The following RIT2 variants were observed in gnomAD, a reference collection of about 807,000 sequenced individuals.
RIT2 encodes Ras like without CAAX 2.
A neutral mutation model predicts 23.7 loss-of-function variants in RIT2; 24 were observed. That is an observed-to-expected ratio of 1.01 (90% CI 0.73 to 1.43). RIT2 has a LOEUF of 1.43. Ranked by LOEUF, RIT2 falls within the 40% of genes most tolerant of loss-of-function variation. The pLI, the probability that RIT2 is intolerant of heterozygous loss-of-function variation, is 0.00. For missense variants in RIT2, 236 were observed against 266.9 expected, an observed-to-expected ratio of 0.88 and a Z score of 0.81; for synonymous variants, 107 against 91.1, an observed-to-expected ratio of 1.17 and a Z score of -0.99.
intron 3 of RIT2, among the ~76,000 whole-genome samples, chr18:42,933,480 G>A (rs1035557308): frequency 3.9e-5 from 6 of 152,038 alleles, no homozygotes; most frequent in Non-Finnish European, 5.9e-5. Flanking sequence ...ATCCTGGAAG[G>A]GACCTGGTGA....
At chr18:42,860,632 T>C (rs1017634326) in intron 4 of RIT2, among the ~76,000 whole-genome samples, 1 of 152,216 alleles carries the variant, frequency 6.6e-6, no homozygotes, top group African/African-American at 2.4e-5. Flanking sequence ...ATACCCTCTC[T>C]AGGAGGAGTG....
At chr18:42,810,237 C>G (rs902220367) in intron 4 of RIT2, among the ~76,000 whole-genome samples, 1 of 151,170 alleles carries the variant, frequency 6.6e-6, no homozygotes, top group African/African-American at 2.4e-5. Context: ...AATAATGGGG[C>G]TCATTGTTAT....
At chr18:43,023,314 T>C (rs1911639000) in intron 2 of RIT2, among the ~76,000 whole-genome samples, 1 of 152,066 alleles carries the variant, frequency 6.6e-6, no homozygotes, top group Non-Finnish European at 1.5e-5. Context: ...GTGACAGTAA[T>C]ATCTCATTGT....
chr18:43,087,279 T>C (rs1913306875), intron 1 of RIT2, among the ~76,000 whole-genome samples: 1 of 151,948 alleles, frequency 6.6e-6, no homozygotes, highest in African/African-American at 2.4e-5. Flanking sequence ...AAAGAGTAGG[T>C]ATTCATGACT....
At chr18:42,774,491 A>G (rs1177685087) in intron 4 of RIT2, among the ~76,000 whole-genome samples, 1 of 152,186 alleles carries the variant, frequency 6.6e-6, no homozygotes, top group Non-Finnish European at 1.5e-5. Context: ...ATAAAAAAAA[A>G]GAAAAGGTAA....
At chr18:42,864,107 C>G (rs988888149) in intron 4 of RIT2, among the ~76,000 whole-genome samples, 8 of 151,840 alleles carry the variant, frequency 5.3e-5, no homozygotes, top group African/African-American at 1.9e-4. Context: ...TCAATAACTT[C>G]CTGACCCAGA....
At chr18:42,910,439 GCCTGGAAAC>G (rs1334896947) in intron 4 of RIT2, among the ~76,000 whole-genome samples, 9 of 152,066 alleles carry the variant, frequency 5.9e-5, no homozygotes, top group Admixed American at 6.6e-5. Flanking sequence ...CCACTGTCAA[GCCTGGAAAC>G]CCACAACCCT....
chr18:43,084,692 T>C (rs1265757529), intron 1 of RIT2, among the ~76,000 whole-genome samples: 1 of 151,904 alleles, frequency 6.6e-6, no homozygotes, highest in African/African-American at 2.4e-5. Flanking sequence ...TGAGAACACA[T>C]GGACACAGGG....
chr18:42,912,693 A>C (rs1393176689), intron 4 of RIT2, among the ~76,000 whole-genome samples: 4 of 151,974 alleles, frequency 2.6e-5, no homozygotes, highest in Non-Finnish European at 4.4e-5. Flanking sequence ...ATTACTCCTA[A>C]GAAAATTACA....
rs144964395 is a variant in RIT2, at chr18:43,068,998, G to T, written c.104-35131C>A. 3.3e-3 allele frequency among the ~76,000 whole-genome samples: 507 copies of T among 152,204 alleles called. 3 individuals carry two copies. The highest frequency in any genetic ancestry group is 0.012 in the African/African-American group (489 of 41,534). On this transcript the variant is annotated intron_variant, in intron 1 of 4. Coordinates refer to ENST00000326695, the MANE Select transcript of RIT2 (RefSeq NM_002930.4). The stretch of plus-strand genomic sequence containing the variant: ...AGTTAGTTATTCCTAGCCTCTAGAC[G>T]TTTCCGGTTAAGGGAACAGATTGGT...
intron 2 of RIT2, among the ~76,000 whole-genome samples, chr18:43,031,327 T>G (rs1598754321): frequency 6.6e-6 from 1 of 151,244 alleles, no homozygotes; most frequent in East Asian, 1.9e-4. Flanking sequence ...ATGAAGTCAC[T>G]CACACTAGAT....
At chr18:42,788,851 C>T (rs189317539) in intron 4 of RIT2, among the ~76,000 whole-genome samples, 1 of 152,254 alleles carries the variant, frequency 6.6e-6, no homozygotes, top group East Asian at 1.9e-4. Context: ...GCTAATTTTG[C>T]ATGCCACTCA....
intron 1 of RIT2, among the ~76,000 whole-genome samples, chr18:43,089,523 C>G (rs1598779084): frequency 6.6e-6 from 1 of 150,610 alleles, no homozygotes; most frequent in Non-Finnish European, 1.5e-5. Flanking sequence ...GTAAAAAAAA[C>G]TATTATAAAA....
chr18:43,008,330 A>G (rs1213845534), intron 2 of RIT2, among the ~76,000 whole-genome samples: 1 of 151,544 alleles, frequency 6.6e-6, no homozygotes, highest in Non-Finnish European at 1.5e-5. Flanking sequence ...ATATATTAAG[A>G]GAGTGGGGAA....
chr18:42,954,530 T>C (rs1291032088), intron 3 of RIT2, among the ~76,000 whole-genome samples: 7 of 152,144 alleles, frequency 4.6e-5, no homozygotes, highest in Non-Finnish European at 7.3e-5. Flanking sequence ...ATGATCCTTC[T>C]GAAGCATGTT....
At chr18:42,764,641 G>A (rs953318414) in intron 4 of RIT2, among the ~76,000 whole-genome samples, 2 of 152,082 alleles carry the variant, frequency 1.3e-5, no homozygotes, top group Non-Finnish European at 2.9e-5. Flanking sequence ...ATAAATACCA[G>A]TTCTTGAGGA....
intron 4 of RIT2, among the ~76,000 whole-genome samples, chr18:42,911,557 T>C (rs996463404): frequency 3.9e-5 from 6 of 152,078 alleles, no homozygotes; most frequent in Non-Finnish European, 8.8e-5. Flanking sequence ...GCAACCATTT[T>C]ACCATATATA....
intron 3 of RIT2, among the ~76,000 whole-genome samples, chr18:42,929,906 T>G (rs1053036525): frequency 6.6e-6 from 1 of 152,092 alleles, no homozygotes; most frequent in Non-Finnish European, 1.5e-5. Flanking sequence ...GCCAAGTCAC[T>G]ACTGAAGCAT....
chr18:43,044,882 T>A (rs116001052), intron 1 of RIT2, among the ~76,000 whole-genome samples: 6 of 152,236 alleles, frequency 3.9e-5, no homozygotes, highest in African/African-American at 1.4e-4. Context: ...TGGAAAGAAA[T>A]TGTGCTTTCC....
Sources: allele counts gnomAD v4.1 joint callset (sites outside exome capture counted in the v4.1 genomes callset), GRCh38; gene constraint gnomAD v4.1.1; transcripts MANE v1.5; gene names NCBI Gene and HGNC (gene_info 2026-07-23, HGNC 2026-07-21).